PCDHGA5: variants seen among roughly 807,000 people sequenced by gnomAD.
PCDHGA5 encodes protocadherin gamma-A5.
A neutral mutation model predicts 56.7 loss-of-function variants in PCDHGA5; 36 were observed. That is an observed-to-expected ratio of 0.64 (90% CI 0.49 to 0.84). The LOEUF (loss-of-function observed/expected upper bound fraction) is 0.84. PCDHGA5 is among the 40% of genes least tolerant of loss of function. The pLI, the probability that PCDHGA5 is intolerant of heterozygous loss-of-function variation, is 0.00. For synonymous variants in PCDHGA5, 563 were observed against 520.2 expected (o/e 1.08, Z -1.12); for missense variants, 1,305 against 1,201.5 (o/e 1.09, Z -1.27).
At chr5:141,474,148 A>G (rs773360112) in intron 1 of PCDHGA5, among the ~76,000 whole-genome samples, 4 of 152,244 alleles carry the variant, frequency 2.6e-5, no homozygotes, top group Non-Finnish European at 5.9e-5. Context: ...CTTATTATCA[A>G]GAAAATGACA....
At chr5:141,368,939 G>A (rs920878647) in intron 1 of PCDHGA5, among the ~76,000 whole-genome samples, 3 of 152,146 alleles carry the variant, frequency 2.0e-5, no homozygotes, top group African/African-American at 7.2e-5. Context: ...TAGAATTCTG[G>A]TTACTGTGAG....
At position 141,366,653 on chromosome 5, in the gene PCDHGA5, T is replaced by TACGCAGAC. The variant is rs781417459; in HGVS notation, c.2328_2335dup (p.Leu779GlnfsTer17). On this transcript the variant is annotated frameshift_variant, in exon 1 of 4. Transcript: ENST00000518069. LOFTEE classifies it high-confidence loss of function. ...TCACCTGATCTTTCCCCAGCCCAAC[T>TACGCAGAC]ACGCAGACACGCTCCTTAGTGAAGA... 1.2e-6 allele frequency: 2 copies of TACGCAGAC among 1,614,240 alleles called. No homozygotes were observed. Among genetic ancestry groups the TACGCAGAC allele is most frequent in the East Asian group, 4.5e-5 (2 of 44,886 alleles).
At chr5:141,401,485 G>A (rs2094160307) in intron 1 of PCDHGA5, among the ~76,000 whole-genome samples, 2 of 152,152 alleles carry the variant, frequency 1.3e-5, no homozygotes, top group Admixed American at 6.5e-5. Context: ...AGGTTTTCTT[G>A]GATGCAAAAT....
At chr5:141,418,392 T>C (rs753094664) in intron 1 of PCDHGA5, 1 of 1,613,996 alleles carries the variant, frequency 6.2e-7, no homozygotes, top group Non-Finnish European at 8.5e-7. Context: ...AACGAGTATT[T>C]CTCATTGGTG....
chr5:141,428,090 G>A (rs1415146154), intron 1 of PCDHGA5: 1 of 1,608,870 alleles, frequency 6.2e-7, no homozygotes, highest in Non-Finnish European at 8.5e-7. Flanking sequence ...ACGCTTGGCT[G>A]TCCTACCACG....
At chr5:141,510,334 C>G (rs1463634534) in intron 3 of PCDHGA5, among the ~76,000 whole-genome samples, 1 of 151,448 alleles carries the variant, frequency 6.6e-6, no homozygotes, top group African/African-American at 2.4e-5. Context: ...TCTTCACCCC[C>G]ACCCCACACA....
At chr5:141,410,049 T>A in intron 1 of PCDHGA5, 1 of 1,613,184 alleles carries the variant, frequency 6.2e-7, no homozygotes, top group Admixed American at 1.7e-5. Flanking sequence ...GAGCCCGGAC[T>A]CTTCAGCCTG....
chr5:141,377,979 G>T (rs887213407), intron 1 of PCDHGA5: 4 of 152,086 alleles, frequency 2.6e-5, no homozygotes, highest in Non-Finnish European at 5.9e-5. Context: ...ATGTTCCTGG[G>T]TTGCAATCCT....
At chr5:141,369,356 G>GA (rs1766179891) in intron 1 of PCDHGA5, among the ~76,000 whole-genome samples, 1 of 152,234 alleles carries the variant, frequency 6.6e-6, no homozygotes, top group Non-Finnish European at 1.5e-5. Context: ...GATGTAGTAT[G>GA]AAAAAACATC....
intron 2 of PCDHGA5, among the ~76,000 whole-genome samples, chr5:141,501,420 T>C (rs1429838126): frequency 6.6e-6 from 1 of 152,006 alleles, no homozygotes; most frequent in Non-Finnish European, 1.5e-5. Context: ...AATAGTTGAC[T>C]AAATGTAGTC....
Position 141,364,768 on chromosome 5 carries a change from G to A in PCDHGA5, c.438G>A (p.Ala146=), listed in dbSNP as rs1442604724. The change falls in exon 1 of 4, where the codon GCG becomes GCA. Residue 146 remains alanine, a synonymous_variant. Coordinates refer to ENST00000518069, the MANE Select transcript of PCDHGA5 (RefSeq NM_018918.3). The stretch of plus-strand genomic sequence containing the variant: ...TAAAAGTAAAAGTTAATGAAAATGC[G>A]GCTGCAGGGACACGGTTAGTGCTTC... The part of the protein sequence containing the change: ...EELKVKVNEN[A]AAGTRLVLPF... 3 of 1,613,956 alleles carry A rather than the reference G, an allele frequency of 1.9e-6. No homozygotes were observed. The highest frequency in any genetic ancestry group is 8.5e-7 in the Non-Finnish European group (1 of 1,179,898).
chr5:141,413,992 A>G (rs1437832303), intron 1 of PCDHGA5: 1 of 1,613,538 alleles, frequency 6.2e-7, no homozygotes, highest in Admixed American at 1.7e-5. Flanking sequence ...AGCCACCGAC[A>G]GGGACGAAGG....
rs1308866536 is a variant in PCDHGA5 at position 141,464,896 on chromosome 5, GT to G, written c.2422-29910del. On this transcript the variant is annotated intron_variant, in intron 1 of 3. Coordinates refer to ENST00000518069, the MANE Select transcript of PCDHGA5 (RefSeq NM_018918.3). ...TAGGACTACAGATGGATGCCACCAT[GT>G]CCAGCTAATTTTTTTATTTTTTTGT... 2.0e-5 allele frequency among the ~76,000 whole-genome samples: 3 copies of G among 151,672 alleles called. No homozygotes were observed. The East Asian group carries it at 5.8e-4, about 30-fold the overall frequency.
chr5:141,384,218 T>C (rs1245580303), intron 1 of PCDHGA5: 2 of 1,613,904 alleles, frequency 1.2e-6, no homozygotes, highest in Non-Finnish European at 1.7e-6. Context: ...CACATATTCA[T>C]GCAGGTGGCA....
At chr5:141,421,351 A>G in intron 1 of PCDHGA5, 2 of 1,613,988 alleles carry the variant, frequency 1.2e-6, no homozygotes, top group Non-Finnish European at 1.7e-6. Flanking sequence ...AGAGACCGAA[A>G]AGGGCTCCTT....
chr5:141,509,825 C>A (rs1057042581), intron 3 of PCDHGA5, among the ~76,000 whole-genome samples: 18 of 152,222 alleles, frequency 1.2e-4, no homozygotes, highest in African/African-American at 1.2e-4. Context: ...TCTCCATCTT[C>A]TCTCTACCTC....
intron 1 of PCDHGA5, among the ~76,000 whole-genome samples, chr5:141,437,771 A>G (rs971065583): frequency 7.9e-5 from 12 of 151,238 alleles, no homozygotes; most frequent in Admixed American, 6.6e-5. Context: ...CAGAGTCTCA[A>G]TCTGTCGCCA....
intron 1 of PCDHGA5, chr5:141,442,020 A>G (rs1461958612): frequency 4.6e-6 from 1 of 219,170 alleles, no homozygotes; most frequent in South Asian, 5.2e-5. Context: ...GATGGGCCAC[A>G]GGAAAGCGAC....
At chr5:141,393,270 C>A in intron 1 of PCDHGA5, 1 of 1,613,916 alleles carries the variant, frequency 6.2e-7, no homozygotes, top group East Asian at 2.2e-5. Context: ...AGCACGTTAT[C>A]CACTCCCAGA....
Sources: gnomAD v4.1 joint callset for allele counts (sites outside exome capture counted in the v4.1 genomes callset) on GRCh38, gnomAD v4.1.1 for gene constraint, MANE v1.5 for transcripts, NCBI Gene and HGNC (gene_info 2026-07-23, HGNC 2026-07-21) for gene names.